Variants in DSE observed in about 807,000 individuals in gnomAD.
The protein encoded by DSE is dermatan sulfate epimerase.
DSE carries 36 observed loss-of-function variants against 84.4 expected under a neutral mutation model. The ratio of observed to expected loss-of-function variants is 0.43; its 90% confidence interval spans 0.33 to 0.56. The LOEUF is 0.56. DSE is among the 20% of genes least tolerant of loss of function. The pLI is 0.06. For missense variants in DSE, 862 were observed against 1,169.6 expected (o/e 0.74, Z 3.84); for synonymous variants, 410 against 430.1 (o/e 0.95, Z 0.58).
At chr6:116,303,142 T>G (rs1775138516) in intron 2 of DSE, among the ~76,000 whole-genome samples, 1 of 152,194 alleles carries the variant, frequency 6.6e-6, no homozygotes, top group Non-Finnish European at 1.5e-5. Flanking sequence ...CTTCCTGCCT[T>G]GGCTTCTTTT....
At chr6:116,386,856 AC>A (rs1780605224) in intron 1 of DSE, among the ~76,000 whole-genome samples, 1 of 152,128 alleles carries the variant, frequency 6.6e-6, no homozygotes, top group African/African-American at 2.4e-5. Flanking sequence ...TGCTAATATA[AC>A]CCTTTCCCAT....
intron 2 of DSE, among the ~76,000 whole-genome samples, chr6:116,341,552 C>G (rs1382497118): frequency 2.6e-5 from 4 of 152,188 alleles, no homozygotes; most frequent in African/African-American, 9.7e-5. Context: ...GTGTTTTAGT[C>G]ATAAAGTCCT....
At chr6:116,433,222 AT>A (rs1783952690) in intron 4 of DSE, 120 bp from the exon 5 acceptor site, 1 of 960,796 alleles carries the variant, frequency 1.0e-6, no homozygotes, top group Admixed American at 2.7e-5. Context: ...TTTTTCTTTT[AT>A]TTTATCCCTT....
chr6:116,286,949 T>C (rs1773946610), intron 2 of DSE, among the ~76,000 whole-genome samples: 1 of 152,168 alleles, frequency 6.6e-6, no homozygotes, highest in African/African-American at 2.4e-5. Flanking sequence ...CTGTCAGCCA[T>C]GTGTCAGTCA....
intron 1 of DSE, among the ~76,000 whole-genome samples, chr6:116,379,429 T>C (rs2114940845): frequency 6.6e-6 from 1 of 152,330 alleles, no homozygotes; most frequent in East Asian, 1.9e-4. Flanking sequence ...TGTCTTTTGC[T>C]GGCCCCTTTA....
chr6:116,406,784 T>A (rs1392851990), intron 2 of DSE, among the ~76,000 whole-genome samples: 2 of 152,206 alleles, frequency 1.3e-5, no homozygotes, highest in Non-Finnish European at 2.9e-5. Flanking sequence ...CCATCTTTCC[T>A]TTTCCTTTCC....
chr6:116,399,242 G>A lies in DSE; in HGVS notation c.-9G>A, dbSNP rs752353608. The A allele has an allele frequency of 1.2e-6, 2 of 1,613,414 alleles. No homozygotes were observed. The highest frequency in any genetic ancestry group is 1.7e-6 in the Non-Finnish European group (2 of 1,180,022). On this transcript the variant is annotated 5_prime_UTR_variant, in exon 2 of 6. Coordinates refer to ENST00000644252, the MANE Select transcript of DSE (RefSeq NM_013352.4). ...GGCTGCCTTGGAGATTTGGAGATCTGATGCCACGATGAGGACTCACACACG... is the reference window on the plus strand; with the variant it reads ...GGCTGCCTTGGAGATTTGGAGATCTAATGCCACGATGAGGACTCACACACG...
intron 2 of DSE, among the ~76,000 whole-genome samples, chr6:116,315,329 G>GATATAT (rs67864536): frequency 0.016 from 2,320 of 147,626 alleles, 35 homozygotes; most frequent in Middle Eastern, 0.024. Flanking sequence ...CACCTTCTGA[G>GATATAT]ATATATATAT....
rs1562275746 is a variant in DSE at position 116,390,971 on chromosome 6, A to G, written c.-53-8227A>G. On this transcript the variant is annotated intron_variant, in intron 1 of 5. Transcript: ENST00000644252. ...ATGCACCAGGCTAACCTCTACCACT[A>G]AATTATGAATTTAGTTAGATAGCCA... 2.6e-5 allele frequency among the ~76,000 whole-genome samples: 4 copies of G among 152,220 alleles called. No individual in the cohort carries two copies. The South Asian group carries it at 6.2e-4, about 24-fold the overall frequency.
intron 1 of DSE, among the ~76,000 whole-genome samples, chr6:116,385,495 T>C (rs1008805714): frequency 6.6e-6 from 1 of 151,616 alleles, no homozygotes; most frequent in Non-Finnish European, 1.5e-5. Flanking sequence ...TGCTGATAGT[T>C]TGGATATGGA....
At chr6:116,289,011 G>C (rs1346648050) in intron 2 of DSE, among the ~76,000 whole-genome samples, 1 of 151,866 alleles carries the variant, frequency 6.6e-6, no homozygotes, top group Non-Finnish European at 1.5e-5. Context: ...AACATAAAAA[G>C]GATAATCCAA....
intron 2 of DSE, among the ~76,000 whole-genome samples, chr6:116,417,584 T>G (rs1279598376): frequency 1.3e-5 from 2 of 152,130 alleles, no homozygotes. Context: ...TTCACAGCAT[T>G]AAAATGAAAT....
Position 116,299,673 on chromosome 6 carries a change from C to T in DSE, c.-54+40706C>T, listed in dbSNP as rs1038180484. Among the ~76,000 whole-genome samples the T allele has an allele frequency of 5.3e-5, 8 of 151,414 alleles. No individual in the cohort carries two copies. The South Asian group carries it at 1.7e-3, about 31-fold the overall frequency. The stretch of plus-strand genomic sequence containing the variant: ...ATAGAGATAGATGATGGACATTCCT[C>T]TGCACTCAACTTGTACCACATAGAA... On this transcript the variant is annotated intron_variant, in intron 2 of 3. Transcript: ENST00000430252.
chr6:116,299,551 T>TATACACACACAC (rs1554209343), intron 2 of DSE, among the ~76,000 whole-genome samples: 2 of 53,676 alleles, frequency 3.7e-5, no homozygotes, highest in Non-Finnish European at 5.9e-5. Flanking sequence ...TATATATATA[T>TATACACACACAC]ACACATACAC....
chr6:116,338,875 T>G (rs1777423352), intron 2 of DSE, among the ~76,000 whole-genome samples: 1 of 152,238 alleles, frequency 6.6e-6, no homozygotes, highest in South Asian at 2.1e-4. Flanking sequence ...TCTCTGGACC[T>G]CTGAGGGCTT....
intron 2 of DSE, among the ~76,000 whole-genome samples, chr6:116,317,609 G>T (rs992059006): frequency 1.3e-4 from 20 of 152,066 alleles, no homozygotes; most frequent in Admixed American, 5.2e-4. Flanking sequence ...AAACAAAAGG[G>T]GTGTGTGTGT....
At chr6:116,371,438 A>G (rs1198963310) in intron 1 of DSE, among the ~76,000 whole-genome samples, 1 of 152,146 alleles carries the variant, frequency 6.6e-6, no homozygotes, top group Non-Finnish European at 1.5e-5. Flanking sequence ...TGGAGATCGC[A>G]TTCCGTGCGT....
At chr6:116,418,034 G>A (rs1308646990) in intron 2 of DSE, among the ~76,000 whole-genome samples, 3 of 152,144 alleles carry the variant, frequency 2.0e-5, no homozygotes, top group African/African-American at 7.2e-5. Context: ...CCAGGAAAGA[G>A]AAAAATTACA....
At chr6:116,285,696 T>A (rs1352083731) in intron 2 of DSE, among the ~76,000 whole-genome samples, 1 of 152,260 alleles carries the variant, frequency 6.6e-6, no homozygotes, top group Non-Finnish European at 1.5e-5. Context: ...TTAATTTTTG[T>A]ATGCGGTGTA....
Sources: gnomAD v4.1 joint callset for allele counts (sites outside exome capture counted in the v4.1 genomes callset) on GRCh38, gnomAD v4.1.1 for gene constraint, MANE v1.5 for transcripts, NCBI Gene and HGNC (gene_info 2026-07-23, HGNC 2026-07-21) for gene names.